Variants in MYT1L observed in about 807,000 individuals in gnomAD.
MYT1L encodes the protein myelin transcription factor 1 like, also known as myelin transcription factor 1-like protein.
Under a neutral mutation model 126.7 loss-of-function variants are expected in MYT1L, and 12 were observed. That is an observed-to-expected ratio of 0.09 (90% CI 0.06 to 0.15). The LOEUF is 0.15. MYT1L is among the 10% of genes least tolerant of loss of function. The pLI, the probability that MYT1L is intolerant of heterozygous loss-of-function variation, is 1.00. For synonymous variants in MYT1L, 541 were observed against 604.2 expected (o/e 0.90, Z 1.53); for missense variants, 979 against 1,585.2 (o/e 0.62, Z 6.49).
intron 5 of MYT1L, among the ~76,000 whole-genome samples, chr2:1,991,275 G>A (rs577163481): frequency 3.9e-4 from 59 of 152,196 alleles, no homozygotes; most frequent in Non-Finnish European, 6.9e-4. Context: ...AGCCCCTGCC[G>A]CCGCCCCCTC....
At chr2:2,125,139 T>A (rs947857060) in intron 3 of MYT1L, among the ~76,000 whole-genome samples, 2 of 152,212 alleles carry the variant, frequency 1.3e-5, no homozygotes, top group Non-Finnish European at 2.9e-5. Context: ...TTCCTGTCTC[T>A]TCTGCCCTTT....
chr2:2,082,784 T>A (rs941330211), intron 3 of MYT1L, among the ~76,000 whole-genome samples: 15 of 152,330 alleles, frequency 9.8e-5, no homozygotes, highest in African/African-American at 3.6e-4. Flanking sequence ...GGAAGACTAT[T>A]GCATGATTAG....
chr2:2,090,799 C>G (rs1473319644), intron 3 of MYT1L, among the ~76,000 whole-genome samples: 1 of 152,154 alleles, frequency 6.6e-6, no homozygotes, highest in African/African-American at 2.4e-5. Context: ...ATGTAATATT[C>G]TAAATTCTTG....
chr2:2,028,296 A>G (rs2065852466), intron 4 of MYT1L, among the ~76,000 whole-genome samples: 1 of 152,220 alleles, frequency 6.6e-6, no homozygotes, highest in African/African-American at 2.4e-5. Context: ...TGGTGTGGAA[A>G]GAGCAGGAGG....
intron 18 of MYT1L, among the ~76,000 whole-genome samples, chr2:1,881,086 C>T (rs891169697): frequency 2.6e-5 from 4 of 152,122 alleles, no homozygotes; most frequent in African/African-American, 9.7e-5. Flanking sequence ...CAGATTCAGC[C>T]CAAACCCCAA....
At chr2:1,856,353 A>T (rs1363666666) in intron 18 of MYT1L, among the ~76,000 whole-genome samples, 1 of 152,230 alleles carries the variant, frequency 6.6e-6, no homozygotes. Context: ...CCACACGTCC[A>T]TGGAGGTCAT....
At chr2:1,846,467 G>A (rs982040024) in intron 19 of MYT1L, among the ~76,000 whole-genome samples, 5 of 152,182 alleles carry the variant, frequency 3.3e-5, no homozygotes, top group African/African-American at 9.7e-5. Flanking sequence ...TGGAAACGCT[G>A]TAAGGGAGAG....
intron 18 of MYT1L, among the ~76,000 whole-genome samples, chr2:1,871,130 C>G (rs1467427611): frequency 1.3e-5 from 2 of 152,236 alleles, no homozygotes; most frequent in African/African-American, 4.8e-5. Context: ...CGTGGCCCTT[C>G]CTGGTTTCCA....
intron 2 of MYT1L, among the ~76,000 whole-genome samples, chr2:2,253,996 C>A (rs560909350): frequency 6.6e-6 from 1 of 152,156 alleles, no homozygotes; most frequent in Non-Finnish European, 1.5e-5. Context: ...CACATATATG[C>A]ACCCCCAGCA....
At chr2:1,956,962 T>C (rs1319658960) in intron 8 of MYT1L, among the ~76,000 whole-genome samples, 1 of 152,196 alleles carries the variant, frequency 6.6e-6, no homozygotes, top group East Asian at 1.9e-4. Flanking sequence ...GTATCTCCAT[T>C]CCATCTGTCT....
In MYT1L at chr2:1,912,153, A is replaced by T; in HGVS notation, c.1619-43T>A. 3.6e-6 allele frequency: 5 copies of T among 1,385,472 alleles called. No homozygotes were observed. The highest frequency in any genetic ancestry group is 5.0e-6 in the Non-Finnish European group (5 of 999,428). The allele number at this position is 1,385,472 out of a possible 1,614,324, so 85.8% of individuals were successfully genotyped here. ...AAGAGAACAGCCAGTGTTAAAACAGAGGCACGGTTAGGGCACATGAAAATG... is the reference window on the plus strand; with the variant it reads ...AAGAGAACAGCCAGTGTTAAAACAGTGGCACGGTTAGGGCACATGAAAATG... On this transcript the variant is annotated intron_variant, in intron 11 of 24. Coordinates refer to ENST00000647738, the MANE Select transcript of MYT1L (RefSeq NM_001303052.2). The surrounding 1 kb of genome is among the most constrained non-coding windows in gnomAD (Gnocchi z 4.3).
At chr2:2,274,619 A>C (rs1053403040) in intron 2 of MYT1L, among the ~76,000 whole-genome samples, 1 of 152,216 alleles carries the variant, frequency 6.6e-6, no homozygotes, top group Non-Finnish European at 1.5e-5. Flanking sequence ...TAGCCTGAGA[A>C]AGAAGGTATA....
chr2:2,231,431 TA>T (rs1275245638), intron 2 of MYT1L, among the ~76,000 whole-genome samples: 3 of 152,202 alleles, frequency 2.0e-5, no homozygotes, highest in Non-Finnish European at 2.9e-5. Flanking sequence ...TGGTTTTGTT[TA>T]TTTTTTTAAT....
chr2:2,105,397 T>A (rs1348619312), intron 3 of MYT1L, among the ~76,000 whole-genome samples: 1 of 152,224 alleles, frequency 6.6e-6, no homozygotes, highest in Non-Finnish European at 1.5e-5. Flanking sequence ...AGCCCCAGAC[T>A]GTTCTAGAAT....
At chr2:2,122,822 G>T (rs540388240) in intron 3 of MYT1L, among the ~76,000 whole-genome samples, 1 of 149,988 alleles carries the variant, frequency 6.7e-6, no homozygotes, top group African/African-American at 2.5e-5. Context: ...TGTGGAACTG[G>T]GAGGGAGGAT....
chr2:2,229,225 GATATCTTT>G (rs2094100631), intron 2 of MYT1L, among the ~76,000 whole-genome samples: 1 of 152,104 alleles, frequency 6.6e-6, no homozygotes, highest in African/African-American at 2.4e-5. Context: ...ATACAAAAAT[GATATCTTT>G]ATTAACTTTT....
At chr2:2,122,974 G>T (rs1255076814) in intron 3 of MYT1L, among the ~76,000 whole-genome samples, 1 of 151,982 alleles carries the variant, frequency 6.6e-6, no homozygotes, top group East Asian at 1.9e-4. Flanking sequence ...GAGAGAGCTT[G>T]GGGGCAGTCA....
At chr2:2,042,386 C>T (rs184479504) in intron 4 of MYT1L, among the ~76,000 whole-genome samples, 20 of 152,226 alleles carry the variant, frequency 1.3e-4, no homozygotes, top group Admixed American at 2.0e-4. Flanking sequence ...CTCTGAAGAA[C>T]CCTGACAAAT....
intron 2 of MYT1L, among the ~76,000 whole-genome samples, chr2:2,234,550 G>A (rs544368509): frequency 2.6e-5 from 4 of 152,270 alleles, no homozygotes; most frequent in East Asian, 3.9e-4. Context: ...GCAGTGTGGC[G>A]TGGAACCCCT....
Sources: allele counts gnomAD v4.1 joint callset (sites outside exome capture counted in the v4.1 genomes callset), GRCh38; gene constraint gnomAD v4.1.1; non-coding constraint Gnocchi (gnomAD v3.1); transcripts MANE v1.5; gene names NCBI Gene and HGNC (gene_info 2026-07-23, HGNC 2026-07-21).